PAXIP1: variants seen among roughly 807,000 people sequenced by gnomAD.
The protein encoded by PAXIP1 is PAX-interacting protein 1.
PAXIP1 carries 19 observed loss-of-function variants against 140.6 expected under a neutral mutation model. That is an observed-to-expected ratio of 0.14 (90% confidence interval 0.09 to 0.20). PAXIP1 has a LOEUF of 0.20. Among genes scored for constraint, PAXIP1 ranks in the 10% least tolerant of loss-of-function variants. PAXIP1 has a pLI of 1.00. For missense variants in PAXIP1, 920 were observed against 1,208.6 expected, an observed-to-expected ratio of 0.76 and a Z score of 3.54; for synonymous variants, 442 against 444.6, an observed-to-expected ratio of 0.99 and a Z score of 0.07.
In PAXIP1 at chr7:154,945,995, G is replaced by A. The variant is rs148255151; in HGVS notation, c.3194+370C>T. 299 of 984,812 alleles carry A rather than the reference G, an allele frequency of 3.0e-4. 2 individuals are homozygous for A. In the South Asian group the frequency reaches 5.3e-3, roughly 17 times the overall value. 61.0% of individuals were successfully genotyped at this position (984,812 alleles called of 1,614,324 possible). A position where few individuals can be genotyped will look rare whatever the true frequency, so the allele number is the denominator to read the frequency against. On this transcript the variant is annotated intron_variant, in intron 20 of 20. Transcript: ENST00000404141. ...GTTCCTGAGTACAAAGACTATATAC[G>A]AACTAAATTTCATTTGGAAAACTAC...
intron 4 of PAXIP1, among the ~76,000 whole-genome samples, chr7:154,990,104 C>T (rs965380507): frequency 9.1e-5 from 13 of 143,340 alleles, no homozygotes; most frequent in African/African-American, 3.4e-4. Flanking sequence ...TGCAATGGCA[C>T]GATCTCAGCT....
chr7:154,988,427 C>T (rs975397389), intron 4 of PAXIP1, among the ~76,000 whole-genome samples: 1 of 152,086 alleles, frequency 6.6e-6, no homozygotes, highest in Non-Finnish European at 1.5e-5. Flanking sequence ...TACACTATAA[C>T]CTAATTTATT....
At chr7:154,992,862 C>T (rs911369446) in intron 3 of PAXIP1, among the ~76,000 whole-genome samples, 8 of 152,150 alleles carry the variant, frequency 5.3e-5, no homozygotes, top group Non-Finnish European at 1.0e-4. Context: ...TTCCCTATTT[C>T]TCTATAAATA....
chr7:154,969,264 C>T (rs1338515676), intron 6 of PAXIP1, 138 bp from the exon 7 acceptor site: 2 of 891,492 alleles, frequency 2.2e-6, no homozygotes, highest in East Asian at 5.8e-5. Flanking sequence ...TTGGAAACTG[C>T]AAAAACAATA....
At chr7:154,971,993 G>A (rs1332600501) in intron 6 of PAXIP1, among the ~76,000 whole-genome samples, 1 of 152,134 alleles carries the variant, frequency 6.6e-6, no homozygotes, top group East Asian at 1.9e-4. Flanking sequence ...GAAATGGATG[G>A]AGCCTTCTCA....
chr7:155,002,781 G>GGGACGGGGAC lies in PAXIP1; in HGVS notation c.81+58_81+67dup, dbSNP rs1410081085. On this transcript the variant is annotated intron_variant, in intron 1 of 20. Transcript: ENST00000404141. ...CGCGCCCGCGGCAGGAGCGGGGACGGGGACGGGGACGGGGACGGACGGGGA... is the reference window on the plus strand; with the variant it reads ...CGCGCCCGCGGCAGGAGCGGGGACGGGGACGGGGACGGACGGGGACGGGGACGGACGGGGA... 1.4e-5 allele frequency: 12 copies of GGGACGGGGAC among 885,838 alleles called. No homozygotes were observed. The African/African-American group carries it at 2.2e-4, about 16-fold the overall frequency. 54.9% of individuals were successfully genotyped at this position (885,838 alleles called of 1,614,324 possible). A position where few individuals can be genotyped will look rare whatever the true frequency, so the allele number is the denominator to read the frequency against.
chr7:154,983,240 C>A lies in PAXIP1; in HGVS notation c.417G>T (p.Leu139Phe). 6.2e-7 allele frequency: 1 copy of A among 1,608,268 alleles called. No homozygotes were observed. The highest frequency in any genetic ancestry group is 8.5e-7 in the Non-Finnish European group (1 of 1,176,172). ...TTACCCCCTTTGGCTCTGGAACAAT[C>A]AAATGCGTGCATTTCTTATTGAGGG... is the stretch of plus-strand genomic sequence containing the variant. ...QLTLNKKCTH[L>F]IVPEPKGEKY... is the part of the protein sequence containing the mutation. Residue 139 changes from leucine (L) to phenylalanine (F), a missense_variant, in exon 5 of 21, where the codon TTG becomes TTT. Around this residue, in one of 5 missense-constraint regions of PAXIP1, gnomAD observed 419 missense variants for 514.7 expected, o/e 0.81. Coordinates refer to ENST00000404141, the MANE Select transcript of PAXIP1 (RefSeq NM_007349.4).
rs755943641 is a variant in PAXIP1 at position 154,995,285 on chromosome 7, G to A, written c.217-1516C>T. Among the ~76,000 whole-genome samples the A allele has an allele frequency of 9.4e-4, 143 of 152,290 alleles. 2 individuals carry two copies. The highest frequency in any genetic ancestry group is 6.8e-3 in the Middle Eastern group (2 of 294). Reference sequence around the variant, plus strand: ...AGGCAGCTTTAGGAAGGGCCAGTCTGGAAATGTTATCTATCACCTTACAAC... The same window carrying A: ...AGGCAGCTTTAGGAAGGGCCAGTCTAGAAATGTTATCTATCACCTTACAAC... On this transcript the variant is annotated intron_variant, in intron 2 of 20. Coordinates refer to ENST00000404141, the MANE Select transcript of PAXIP1 (RefSeq NM_007349.4).
Position 154,985,794 on chromosome 7 carries a change from T to C in PAXIP1, c.325-2462A>G, listed in dbSNP as rs537569877. ...ACAGGATTTTCTCCTTGTCCAGTCTTGACTATGAACTCTAACACTCCTTCT... is the reference window on the plus strand; with the variant it reads ...ACAGGATTTTCTCCTTGTCCAGTCTCGACTATGAACTCTAACACTCCTTCT... On this transcript the variant is annotated intron_variant, in intron 4 of 20. Coordinates refer to ENST00000404141, the MANE Select transcript of PAXIP1 (RefSeq NM_007349.4). Among the ~76,000 whole-genome samples, 88 of 152,334 alleles carry C rather than the reference T, an allele frequency of 5.8e-4. 1 individual carries two copies. The South Asian group carries it at 0.017, about 30-fold the overall frequency.
chr7:154,970,792 C>T (rs2316417), intron 6 of PAXIP1, among the ~76,000 whole-genome samples: 80,750 of 152,044 alleles, frequency 0.53, 22,451 homozygotes, highest in Admixed American at 0.63. Flanking sequence ...TAAACAGCAG[C>T]GAGGGGTGGG....
In PAXIP1 at chr7:154,963,427, G is replaced by T. The variant is rs941168217; in HGVS notation, c.1989+244C>A. Among the ~76,000 whole-genome samples, 2 of 151,678 alleles carry T rather than the reference G, an allele frequency of 1.3e-5. No homozygotes were observed. Among genetic ancestry groups the T allele is most frequent in the Non-Finnish European group, 2.9e-5 (2 of 67,914 alleles). On this transcript the variant is annotated intron_variant, in intron 9 of 20. Transcript: ENST00000404141. This position sits in a 1 kb window ranked among gnomAD's most constrained non-coding sequence, Gnocchi z 4.1. ...CTGACCTCGTGACCCGTCCACCTCG[G>T]CCTCCTGTCCGCCCTTTCTTAACAC...
chr7:154,981,818 A>G (rs140940353), intron 5 of PAXIP1, among the ~76,000 whole-genome samples: 60 of 152,308 alleles, frequency 3.9e-4, no homozygotes, highest in African/African-American at 1.3e-3. Flanking sequence ...TTTTAGCTAT[A>G]CACTTAAAAA....
chr7:154,950,529 T>G (rs1808226476), intron 16 of PAXIP1: 1 of 152,220 alleles, frequency 6.6e-6, no homozygotes, highest in African/African-American at 2.4e-5. Context: ...TCACTGCAGG[T>G]GGGAATGCAA....
chr7:154,998,611 T>C (rs962135362), intron 2 of PAXIP1, 39 bp downstream of exon 2: 4 of 1,564,900 alleles, frequency 2.6e-6, no homozygotes, highest in South Asian at 1.1e-5. Flanking sequence ...TGCAAGATAC[T>C]GAGGAAAAGA....
intron 5 of PAXIP1, among the ~76,000 whole-genome samples, chr7:154,978,878 A>G (rs1365729506): frequency 1.3e-5 from 2 of 152,238 alleles, no homozygotes; most frequent in African/African-American, 4.8e-5. Flanking sequence ...TTCACACTTA[A>G]AAGGCTGGGA....
chr7:154,985,810 C>T (rs1810043045), intron 4 of PAXIP1, among the ~76,000 whole-genome samples: 4 of 152,224 alleles, frequency 2.6e-5, no homozygotes, highest in Admixed American at 2.0e-4. Flanking sequence ...TGAACTCTAA[C>T]ACTCCTTCTT....
At chr7:154,961,194 G>A in intron 11 of PAXIP1, 117 bp from the exon 12 acceptor site, 2 of 786,796 alleles carry the variant, frequency 2.5e-6, no homozygotes, top group Non-Finnish European at 3.9e-6. Context: ...GAAGTGGGAG[G>A]CATATCCTAG....
intron 9 of PAXIP1, 51 bp from the exon 10 acceptor site, chr7:154,962,509 A>T: frequency 2.0e-6 from 3 of 1,538,298 alleles, no homozygotes; most frequent in South Asian, 2.4e-5. Context: ...CTGCTGCAGG[A>T]TTAAAGAAAA....
intron 20 of PAXIP1, chr7:154,944,425 G>A: frequency 2.9e-6 from 1 of 340,252 alleles, no homozygotes; most frequent in Non-Finnish European, 5.4e-6. Flanking sequence ...CAGAACTGAG[G>A]CCCAGCAATA....
Sources: gnomAD v4.1 joint callset for allele counts (sites outside exome capture counted in the v4.1 genomes callset) on GRCh38, gnomAD v4.1.1 for gene constraint, gnomAD v4.1.1 regional missense constraint, Gnocchi (gnomAD v3.1) non-coding constraint, MANE v1.5 for transcripts, NCBI Gene and HGNC (gene_info 2026-07-23, HGNC 2026-07-21) for gene names.